Variants in GLYATL2 observed in about 807,000 individuals in gnomAD.
GLYATL2 encodes glycine N-acyltransferase-like protein 2.
Under a neutral mutation model 21.4 loss-of-function variants are expected in GLYATL2, and 25 were observed. The ratio of observed to expected loss-of-function variants is 1.17; its 90% CI spans 0.85 to 1.63. The LOEUF is 1.63. GLYATL2 is among the 40% of genes most tolerant of loss of function. The pLI is 0.00. For missense variants in GLYATL2, 361 were observed against 343.3 expected (o/e 1.05, Z -0.41); for synonymous variants, 114 against 118.2 (o/e 0.96, Z 0.23).
intron 1 of GLYATL2, among the ~76,000 whole-genome samples, chr11:58,894,902 C>T (rs1376580241): frequency 2.0e-5 from 3 of 152,132 alleles, no homozygotes; most frequent in Non-Finnish European, 4.4e-5. Context: ...AAAATAAACT[C>T]GGGAACTTGG....
chr11:58,892,948 A>G (rs552862808), intron 1 of GLYATL2: 24 of 298,838 alleles, frequency 8.0e-5, no homozygotes, highest in Non-Finnish European at 1.0e-4. Context: ...TCTTGTGATG[A>G]ATAAAGGTTG....
chr11:58,885,814 T>TC (rs1388837617), intron 1 of GLYATL2, among the ~76,000 whole-genome samples: 1 of 151,980 alleles, frequency 6.6e-6, no homozygotes, highest in Non-Finnish European at 1.5e-5. Flanking sequence ...GTGGCAGGGG[T>TC]CACCTGCAGG....
At chr11:58,907,477 T>C, upstream of GLYATL2, 1 of 201,224 alleles carries the variant, frequency 5.0e-6, no homozygotes, top group Non-Finnish European at 9.4e-6. Flanking sequence ...TCGCTCTTTT[T>C]TGTTTGTTTT....
At position 58,880,008 on chromosome 11, in the gene GLYATL2, G is replaced by A. The variant is rs530023773; in HGVS notation, n.60+24148C>T. On this transcript the variant is annotated intron_variant and non_coding_transcript_variant, in intron 1 of 4. Transcript: ENST00000533636. Reference sequence around the variant, plus strand: ...CAAGTAGCCGGGAGTGCAGGTGCCCGCCACCTTGCCCAGCTAATTTTTTGT... The same window carrying A: ...CAAGTAGCCGGGAGTGCAGGTGCCCACCACCTTGCCCAGCTAATTTTTTGT... Among the ~76,000 whole-genome samples the A allele has an allele frequency of 7.9e-5, 12 of 152,014 alleles. No individual in the cohort carries two copies. In the East Asian group the frequency reaches 9.7e-4, roughly 12 times the overall value.
At chr11:58,877,310 A>G (rs2134608647) in intron 1 of GLYATL2, among the ~76,000 whole-genome samples, 1 of 152,302 alleles carries the variant, frequency 6.6e-6, no homozygotes, top group African/African-American at 2.4e-5. Flanking sequence ...CTCCCCAGTG[A>G]GATGAACCCA....
chr11:58,868,078 C>A (rs769491463), intron 1 of GLYATL2, among the ~76,000 whole-genome samples: 2 of 148,690 alleles, frequency 1.3e-5, no homozygotes, highest in African/African-American at 4.9e-5. Flanking sequence ...GGAGAGGAGC[C>A]TACAGATGGG....
intron 1 of GLYATL2, chr11:58,840,675 T>G: frequency 6.6e-6 from 1 of 151,710 alleles, no homozygotes; most frequent in Non-Finnish European, 1.5e-5. Context: ...CCGTCTCTTC[T>G]AAAAATACAA....
chr11:58,862,120 C>T lies in GLYATL2; in HGVS notation n.61-23752G>A, dbSNP rs530480944. ...TGGTTGACACTGTTTTTGTATAGAACATTGAATATATCATTCCATGCTCTC... is the reference window on the plus strand; with the variant it reads ...TGGTTGACACTGTTTTTGTATAGAATATTGAATATATCATTCCATGCTCTC... On this transcript the variant is annotated intron_variant and non_coding_transcript_variant, in intron 1 of 4. Coordinates refer to the GLYATL2 transcript ENST00000533636. 1.2e-3 allele frequency among the ~76,000 whole-genome samples: 182 copies of T among 152,238 alleles called. 1 individual carries two copies. The highest frequency in any genetic ancestry group is 3.9e-3 in the Admixed American group (60 of 15,292).
intron 1 of GLYATL2, among the ~76,000 whole-genome samples, chr11:58,903,339 G>C (rs1464319470): frequency 2.6e-5 from 4 of 152,116 alleles, no homozygotes; most frequent in South Asian, 2.1e-4. Context: ...ATCTCTCTCT[G>C]TGAACTTTCT....
At chr11:58,887,512 C>T (rs1854464310) in intron 1 of GLYATL2, among the ~76,000 whole-genome samples, 1 of 152,134 alleles carries the variant, frequency 6.6e-6, no homozygotes, top group South Asian at 2.1e-4. Context: ...AACTTCTCTC[C>T]TCCCCCTCCT....
At chr11:58,894,760 A>G (rs1379490268) in intron 1 of GLYATL2, among the ~76,000 whole-genome samples, 1 of 152,166 alleles carries the variant, frequency 6.6e-6, no homozygotes, top group Non-Finnish European at 1.5e-5. Context: ...ACATCTTAGT[A>G]TGAATTGGAC....
At chr11:58,869,196 AT>A (rs755245222) in intron 1 of GLYATL2, among the ~76,000 whole-genome samples, 21 of 152,370 alleles carry the variant, frequency 1.4e-4, no homozygotes, top group South Asian at 2.1e-4. Context: ...GACTGTTCGC[AT>A]GTGTCTGATA....
rs558363560 is a variant in GLYATL2, at chr11:58,861,560, T to G, written n.61-23192A>C. On this transcript the variant is annotated intron_variant and non_coding_transcript_variant, in intron 1 of 4. Transcript: ENST00000533636. ...CTTTAATGTTTTTATAGTTTCTATT[T>G]AATTTAACTGCTCTGATCTTTATTT... Among the ~76,000 whole-genome samples, 18 of 152,106 alleles carry G rather than the reference T, an allele frequency of 1.2e-4. No individual in the cohort carries two copies. The East Asian group carries it at 3.5e-3, about 29-fold the overall frequency.
At chr11:58,893,618 C>G (rs1002370584) in intron 1 of GLYATL2, among the ~76,000 whole-genome samples, 23 of 152,128 alleles carry the variant, frequency 1.5e-4, no homozygotes, top group Admixed American at 1.5e-3. Context: ...CACAGCCATG[C>G]TATTGAGGAA....
intron 1 of GLYATL2, among the ~76,000 whole-genome samples, chr11:58,858,352 A>C (rs1377498518): frequency 6.6e-6 from 1 of 152,194 alleles, no homozygotes; most frequent in African/African-American, 2.4e-5. Context: ...TCTCACTCCC[A>C]ACTGATGATA....
chr11:58,834,923 C>T (rs777246922), intron 5 of GLYATL2, 86 bp from the exon 6 acceptor site: 482 of 958,210 alleles, frequency 5.0e-4, no homozygotes, highest in Non-Finnish European at 6.7e-4. Flanking sequence ...CCATTCCTTT[C>T]CTTAAGGACC....
intron 1 of GLYATL2, among the ~76,000 whole-genome samples, chr11:58,851,594 A>T (rs1257041212): frequency 6.6e-6 from 1 of 152,224 alleles, no homozygotes; most frequent in Non-Finnish European, 1.5e-5. Flanking sequence ...TAGACAATTG[A>T]GTTGGCCTTC....
chr11:58,889,629 T>C lies in GLYATL2; in HGVS notation n.60+14527A>G, dbSNP rs183825925. On this transcript the variant is annotated intron_variant and non_coding_transcript_variant, in intron 1 of 4. Coordinates refer to the GLYATL2 transcript ENST00000533636. ...TCATTTTTGTCTTTTTTTTTGGCAA[T>C]TTATATAGTCATGAAATTTTTCCTC... 3.3e-3 allele frequency among the ~76,000 whole-genome samples: 502 copies of C among 152,134 alleles called. 13 individuals are homozygous for C. Among genetic ancestry groups the C allele is most frequent in the Admixed American group, 0.031 (467 of 15,288 alleles).
chr11:58,856,162 CT>C (rs1853824533), intron 1 of GLYATL2, among the ~76,000 whole-genome samples: 1 of 152,008 alleles, frequency 6.6e-6, no homozygotes, highest in South Asian at 2.1e-4. Flanking sequence ...AAGAAAATGG[CT>C]TCTTTCCTTA....
Sources: allele counts gnomAD v4.1 joint callset (sites outside exome capture counted in the v4.1 genomes callset), GRCh38; gene constraint gnomAD v4.1.1; transcripts MANE v1.5; gene names NCBI Gene and HGNC (gene_info 2026-07-23, HGNC 2026-07-21).